DYSF: variants seen among roughly 807,000 people sequenced by gnomAD.
DYSF encodes dysferlin.
A neutral mutation model predicts 274.9 loss-of-function variants in DYSF; 212 were observed. That is an observed-to-expected ratio of 0.77 (90% CI 0.69 to 0.86). DYSF has a LOEUF of 0.86. DYSF is among the 40% of genes least tolerant of loss of function. DYSF has a pLI of 0.00. For synonymous variants in DYSF, 1,091 were observed against 1,078.7 expected (o/e 1.01, Z -0.22); for missense variants, 2,666 against 2,783.2 (o/e 0.96, Z 0.95).
At chr2:71,569,545 C>T (rs1008783609) in intron 26 of DYSF, among the ~76,000 whole-genome samples, 2 of 152,186 alleles carry the variant, frequency 1.3e-5, no homozygotes, top group African/African-American at 4.8e-5. Flanking sequence ...CATCAAGCCT[C>T]GACTGCCCAT....
chr2:71,493,870 A>AAG (rs1464083232), intron 3 of DYSF, among the ~76,000 whole-genome samples: 25 of 144,108 alleles, frequency 1.7e-4, no homozygotes, highest in Admixed American at 5.0e-4. Context: ...AAAAAAAAAA[A>AAG]AAAAGAAAGA....
chr2:71,560,094 G>A (rs2091625800), intron 22 of DYSF, among the ~76,000 whole-genome samples: 2 of 152,312 alleles, frequency 1.3e-5, no homozygotes, highest in African/African-American at 4.8e-5. Flanking sequence ...CTTAGGGCTG[G>A]GTGGAGCGCC....
intron 36 of DYSF, among the ~76,000 whole-genome samples, chr2:71,603,862 G>T (rs1318616821): frequency 6.6e-6 from 1 of 152,160 alleles, no homozygotes; most frequent in Non-Finnish European, 1.5e-5. Flanking sequence ...TAAAAAAAAA[G>T]TTAAAATCCT....
At chr2:71,656,955 A>G (rs2094786430) in intron 43 of DYSF, among the ~76,000 whole-genome samples, 1 of 152,194 alleles carries the variant, frequency 6.6e-6, no homozygotes, top group Non-Finnish European at 1.5e-5. Context: ...CTCACATTTC[A>G]AAACCAATTA....
Position 71,642,467 on chromosome 2 carries a change from T to G in DYSF, c.4528-1498T>G, listed in dbSNP as rs999223701. On this transcript the variant is annotated intron_variant, in intron 41 of 55. Coordinates refer to ENST00000410020, the MANE Select transcript of DYSF (RefSeq NM_001130987.2). ...GCATCTTTTTCTTTAAATTGAACTTTAAACATCAAGGCTTGGGTCTGCCTT... is the reference window on the plus strand; with the variant it reads ...GCATCTTTTTCTTTAAATTGAACTTGAAACATCAAGGCTTGGGTCTGCCTT... Among the ~76,000 whole-genome samples, 7 of 152,374 alleles carry G rather than the reference T, an allele frequency of 4.6e-5. No individual in the cohort carries two copies. In the East Asian group the frequency reaches 1.3e-3, roughly 29 times the overall value.
chr2:71,613,213 CTG>C, intron 39 of DYSF, 119 bp from the exon 40 acceptor site: 1 of 847,406 alleles, frequency 1.2e-6, no homozygotes, highest in South Asian at 1.4e-5. Context: ...GAGATACCGA[CTG>C]AGAAATGTGG....
chr2:71,558,651 C>T (rs568751818), intron 22 of DYSF, among the ~76,000 whole-genome samples: 1 of 152,234 alleles, frequency 6.6e-6, no homozygotes, highest in East Asian at 1.9e-4. Context: ...GTGACCTCTG[C>T]AGGGCTCTGC....
At chr2:71,557,517 A>G (rs1017142449) in intron 22 of DYSF, among the ~76,000 whole-genome samples, 7 of 152,082 alleles carry the variant, frequency 4.6e-5, no homozygotes, top group Non-Finnish European at 7.4e-5. Context: ...AAATGCTGCA[A>G]TGTGAGGAAT....
chr2:71,587,668 GTGAT>G (rs1235599696), intron 30 of DYSF, among the ~76,000 whole-genome samples: 1 of 152,182 alleles, frequency 6.6e-6, no homozygotes, highest in African/African-American at 2.4e-5. Context: ...AATTTATAAA[GTGAT>G]TGATTCAGAG....
intron 10 of DYSF, among the ~76,000 whole-genome samples, chr2:71,518,295 C>T (rs1244817297): frequency 1.4e-5 from 2 of 144,028 alleles, no homozygotes; most frequent in South Asian, 2.2e-4. Flanking sequence ...CTTGCTCTGT[C>T]GCCCAGGCTG....
intron 53 of DYSF, 24 bp downstream of exon 53, chr2:71,679,259 A>G (rs1472253196): frequency 5.6e-6 from 9 of 1,609,138 alleles, no homozygotes; most frequent in Non-Finnish European, 7.7e-6. Context: ...CTCCAGCCCC[A>G]GTGGAGGGCA....
Position 71,658,985 on chromosome 2 carries a change from C to T in DYSF, c.4863C>T (p.Ile1621=). The T allele has an allele frequency of 6.2e-7, 1 of 1,614,208 alleles. No individual in the cohort carries two copies. The highest frequency in any genetic ancestry group is 1.1e-5 in the South Asian group (1 of 91,082). The change falls in exon 44 of 56, where the codon ATC becomes ATT. Residue 1621 remains isoleucine (I), a synonymous_variant. Transcript: ENST00000410020. ...AQGPQECLVR[I]YIVRAFGLQP... ...GACCCCAGGAGTGCTTGGTCCGTAT[C>T]TACATTGTCCGAGCATTTGGCCTGC...
chr2:71,561,653 G>A, intron 22 of DYSF, 99 bp from the exon 23 acceptor site: 1 of 1,426,828 alleles, frequency 7.0e-7, no homozygotes, highest in Non-Finnish European at 9.9e-7. Context: ...GGCAGGCGGA[G>A]GGGGTGGGGC....
chr2:71,470,758 TTC>T (rs2081968607), intron 1 of DYSF, among the ~76,000 whole-genome samples: 1 of 147,232 alleles, frequency 6.8e-6, no homozygotes, highest in Non-Finnish European at 1.5e-5. Flanking sequence ...CCTTCCTTCC[TTC>T]CTTCCTTCCT....
rs1371885646 is a variant in DYSF at position 71,490,893 on chromosome 2, G to A, written c.239+8923G>A. On this transcript the variant is annotated intron_variant, in intron 3 of 55. Coordinates refer to ENST00000410020, the MANE Select transcript of DYSF (RefSeq NM_001130987.2). ...AGTTTCTTTCCAATGTCTTGCTCTC[G>A]AATGATTATCCAGTAAACATCTTTA... Among the ~76,000 whole-genome samples the A allele has an allele frequency of 3.9e-5, 6 of 151,986 alleles. 1 individual carries two copies. The highest frequency in any genetic ancestry group is 3.3e-4 in the Admixed American group (5 of 15,262).
chr2:71,642,173 T>C (rs1221779894), intron 41 of DYSF, among the ~76,000 whole-genome samples: 6 of 152,230 alleles, frequency 3.9e-5, no homozygotes, highest in Admixed American at 3.9e-4. Flanking sequence ...GCCTGAGTTA[T>C]AAACTCAAAC....
intron 29 of DYSF, 99 bp from the exon 30 acceptor site, chr2:71,574,099 G>T (rs1558511511): frequency 2.8e-6 from 4 of 1,452,876 alleles, no homozygotes; most frequent in Non-Finnish European, 3.8e-6. Context: ...GAGCTGGTGG[G>T]GAGTTGTCAT....
chr2:71,618,151 GGTGTGTGT>G (rs796163016), intron 40 of DYSF, among the ~76,000 whole-genome samples: 1 of 24,386 alleles, frequency 4.1e-5, no homozygotes, highest in Admixed American at 6.0e-4. Flanking sequence ...TGGTAGAGGT[GGTGTGTGT>G]GTGTGTGTGT....
In DYSF at chr2:71,553,908, C is replaced by G; in HGVS notation, c.2086C>G (p.Leu696Val). ...ISHRIETQNQ[L>V]LGIADRLEAG... ...CCATAGAATCGAGACTCAGAACCAG[C>G]TGCTTGGGATTGCTGACCGGCTGGT... is the stretch of plus-strand genomic sequence containing the variant. Residue 696 changes from leucine to valine, a missense_variant, in exon 21 of 56, where the codon CTG becomes GTG. By Grantham distance (32) the Leu-to-Val change is conservative. Around this residue, in one of 3 missense-constraint regions of DYSF, gnomAD observed 412 missense variants for 504.0 expected, o/e 0.82. Coordinates refer to ENST00000410020, the MANE Select transcript of DYSF (RefSeq NM_001130987.2). 1 of 1,614,188 alleles carries G rather than the reference C, an allele frequency of 6.2e-7. No homozygotes were observed. The highest frequency in any genetic ancestry group is 1.3e-5 in the African/African-American group (1 of 75,052).
Sources: gnomAD v4.1 joint callset for allele counts (sites outside exome capture counted in the v4.1 genomes callset) on GRCh38, gnomAD v4.1.1 for gene constraint, gnomAD v4.1.1 regional missense constraint, MANE v1.5 for transcripts, NCBI Gene and HGNC (gene_info 2026-07-23, HGNC 2026-07-21) for gene names.